Variants in PCDHGA7 observed in about 807,000 individuals in gnomAD.
The protein encoded by PCDHGA7 is protocadherin gamma-A7.
A neutral mutation model predicts 58.3 loss-of-function variants in PCDHGA7; 44 were observed. That is an observed-to-expected ratio of 0.75 (90% CI 0.59 to 0.97). The LOEUF is 0.97. Ranked by LOEUF, PCDHGA7 falls within the 50% of genes least tolerant of loss-of-function variation. The pLI is 0.00. For synonymous variants in PCDHGA7, 516 were observed against 504.2 expected (o/e 1.02, Z -0.31); for missense variants, 1,266 against 1,188.7 (o/e 1.06, Z -0.96).
In PCDHGA7 at chr5:141,476,477, G is replaced by T. The variant is rs768824553; in HGVS notation, c.2425-18330G>T. The T allele has an allele frequency of 1.9e-6, 3 of 1,614,078 alleles. No homozygotes were observed. The highest frequency in any genetic ancestry group is 1.7e-5 in the Admixed American group (1 of 60,016). Reference sequence around the variant, plus strand: ...GGAGAACCCGCTGGAGCTGTTCAGCGTGGAAGTGGTGATCCAGGACATCAA... The same window carrying T: ...GGAGAACCCGCTGGAGCTGTTCAGCTTGGAAGTGGTGATCCAGGACATCAA... On this transcript the variant is annotated intron_variant, in intron 1 of 3. Coordinates refer to ENST00000518325, the MANE Select transcript of PCDHGA7 (RefSeq NM_018920.4). This position sits in a 1 kb window ranked among gnomAD's most constrained non-coding sequence, Gnocchi z 7.6.
rs756761584 is a variant in PCDHGA7 at position 141,476,545 on chromosome 5, G to A, written c.2425-18262G>A. 13 of 1,614,230 alleles carry A rather than the reference G, an allele frequency of 8.1e-6. No homozygotes were observed. The Admixed American group carries it at 2.2e-4, about 27-fold the overall frequency. On this transcript the variant is annotated intron_variant, in intron 1 of 3. Coordinates refer to ENST00000518325, the MANE Select transcript of PCDHGA7 (RefSeq NM_018920.4). This position sits in a 1 kb window ranked among gnomAD's most constrained non-coding sequence, Gnocchi z 7.6. ...TCCCTACCCAGGAAATGAAATTGGA[G>A]ATTAGCGAGGCCGTGGCTCCGGGGA...
intron 1 of PCDHGA7, among the ~76,000 whole-genome samples, chr5:141,474,684 T>A (rs1302389621): frequency 6.6e-6 from 1 of 152,246 alleles, no homozygotes; most frequent in Non-Finnish European, 1.5e-5. Context: ...TGCCTACCCC[T>A]TCACTTATGT....
chr5:141,489,297 G>T lies in PCDHGA7; in HGVS notation c.2425-5510G>T. On this transcript the variant is annotated intron_variant, in intron 1 of 3. Transcript: ENST00000518325. This position sits in a 1 kb window ranked among gnomAD's most constrained non-coding sequence, Gnocchi z 4.5. Reference sequence around the variant, plus strand: ...GGAAATGGCAAGTGCTGTGCATGTTGTCCTTGTGCTGCTGGGGCTGGGTGT... The same window carrying T: ...GGAAATGGCAAGTGCTGTGCATGTTTTCCTTGTGCTGCTGGGGCTGGGTGT... 1.9e-6 allele frequency: 3 copies of T among 1,583,774 alleles called. No homozygotes were observed. Among genetic ancestry groups the T allele is most frequent in the Non-Finnish European group, 8.6e-7 (1 of 1,164,904 alleles).
At chr5:141,445,118 G>A (rs964726987) in intron 1 of PCDHGA7, among the ~76,000 whole-genome samples, 1 of 152,148 alleles carries the variant, frequency 6.6e-6, no homozygotes, top group Non-Finnish European at 1.5e-5. Flanking sequence ...ATTGTAAATA[G>A]TATTTTTAAA....
intron 2 of PCDHGA7, among the ~76,000 whole-genome samples, chr5:141,502,186 CA>C (rs1470455379): frequency 1.3e-5 from 2 of 152,148 alleles, no homozygotes; most frequent in Non-Finnish European, 2.9e-5. Context: ...AACATTAATA[CA>C]ATAATATAGA....
intron 1 of PCDHGA7, chr5:141,478,885 A>G (rs2099483148): frequency 8.4e-7 from 1 of 1,193,320 alleles, no homozygotes; most frequent in East Asian, 2.6e-5. Flanking sequence ...GCTTGGTATC[A>G]TTTACATTAG....
At chr5:141,442,837 A>C (rs2098346617) in intron 1 of PCDHGA7, among the ~76,000 whole-genome samples, 1 of 152,202 alleles carries the variant, frequency 6.6e-6, no homozygotes, top group South Asian at 2.1e-4. Flanking sequence ...GGGAGGGACA[A>C]ATCTTGGCCA....
In PCDHGA7 at chr5:141,485,219, A is replaced by C. The variant is rs954128321; in HGVS notation, c.2425-9588A>C. 20 of 1,613,930 alleles carry C rather than the reference A, an allele frequency of 1.2e-5. No individual in the cohort carries two copies. The highest frequency in any genetic ancestry group is 1.6e-5 in the Non-Finnish European group (19 of 1,179,944). On this transcript the variant is annotated intron_variant, in intron 1 of 3. Coordinates refer to ENST00000518325, the MANE Select transcript of PCDHGA7 (RefSeq NM_018920.4). The surrounding 1 kb of genome is among the most constrained non-coding windows in gnomAD (Gnocchi z 5.7). The stretch of plus-strand genomic sequence containing the variant: ...CTGGACAGAAATCTGGCGGTGGGCT[A>C]CCCTTTTGTTCCTCTTTTACCACCT...
intron 1 of PCDHGA7, chr5:141,390,004 T>C (rs749173529): frequency 1.9e-6 from 3 of 1,614,044 alleles, no homozygotes; most frequent in Admixed American, 1.7e-5. Flanking sequence ...GCCATGATTC[T>C]GGCCATTGCC....
intron 1 of PCDHGA7, chr5:141,442,400 C>G (rs1478739190): frequency 6.6e-6 from 1 of 152,224 alleles, no homozygotes; most frequent in Admixed American, 6.5e-5. Context: ...TCCTACGAAT[C>G]CAGGGCTGAG....
chr5:141,511,823 G>A lies in PCDHGA7; in HGVS notation c.*650G>A, dbSNP rs1490513046. On this transcript the variant is annotated 3_prime_UTR_variant, in exon 4 of 4. Transcript: ENST00000518325. ...TTTTGCTACCAAGCCTCTTCCCAACGCCCTGGGGACCAGTCTTCTGTTTTG... is the reference window on the plus strand; with the variant it reads ...TTTTGCTACCAAGCCTCTTCCCAACACCCTGGGGACCAGTCTTCTGTTTTG... 4 of 156,728 alleles carry A rather than the reference G, an allele frequency of 2.6e-5. No homozygotes were observed. The highest frequency in any genetic ancestry group is 3.2e-3 in the Middle Eastern group (1 of 316). 9.7% of individuals were successfully genotyped at this position (156,728 alleles called of 1,614,324 possible). A position where few individuals can be genotyped will look rare whatever the true frequency, so the allele number is the denominator to read the frequency against.
rs778204328 is a variant in PCDHGA7 at position 141,383,514 on chromosome 5, G to A, written c.615G>A (p.Glu205=). The A allele has an allele frequency of 1.2e-6, 2 of 1,612,718 alleles. No homozygotes were observed. Among genetic ancestry groups the A allele is most frequent in the South Asian group, 2.2e-5 (2 of 90,932 alleles). Residue 205 remains glutamate, a synonymous_variant, in exon 1 of 4, where the codon GAG becomes GAA. Transcript: ENST00000518325. ...AGCGGGTGCTGGACCGGGAGGAAGA[G>A]CGGGTTCACCACCTGGTCCTCACAG... ...VLERVLDREE[E]RVHHLVLTAS... is the part of the protein sequence containing the mutation.
chr5:141,500,216 ATT>A (rs1562194139), intron 2 of PCDHGA7, among the ~76,000 whole-genome samples: 8 of 149,244 alleles, frequency 5.4e-5, no homozygotes, highest in African/African-American at 2.0e-4. Flanking sequence ...TTATTTATTT[ATT>A]TATTTATTGA....
intron 1 of PCDHGA7, chr5:141,403,303 C>T (rs1561687273): frequency 1.9e-6 from 3 of 1,613,820 alleles, no homozygotes; most frequent in South Asian, 2.2e-5. Flanking sequence ...TGAAACTGTA[C>T]GGAATAGAAA....
At position 141,511,216 on chromosome 5, in the gene PCDHGA7, C is replaced by G. The variant is rs374915167; in HGVS notation, c.*43C>G. Reference sequence around the variant, plus strand: ...GAGCCACAGGGCGGCCTCTCCCCAACCAGCCCAGCTTCTCCTTACCTGCAC... The same window carrying G: ...GAGCCACAGGGCGGCCTCTCCCCAAGCAGCCCAGCTTCTCCTTACCTGCAC... On this transcript the variant is annotated 3_prime_UTR_variant, in exon 4 of 4. Coordinates refer to ENST00000518325, the MANE Select transcript of PCDHGA7 (RefSeq NM_018920.4). 4.2e-5 allele frequency: 68 copies of G among 1,608,004 alleles called. No individual in the cohort carries two copies. The highest frequency in any genetic ancestry group is 6.7e-5 in the East Asian group (3 of 44,538).
chr5:141,510,239 C>T (rs2099880022), intron 3 of PCDHGA7, among the ~76,000 whole-genome samples: 1 of 150,434 alleles, frequency 6.6e-6, no homozygotes, highest in Non-Finnish European at 1.5e-5. Flanking sequence ...CGCCACTGCA[C>T]TCCAGGCTGG....
At chr5:141,502,404 C>A (rs1270930372) in intron 2 of PCDHGA7, among the ~76,000 whole-genome samples, 1 of 151,880 alleles carries the variant, frequency 6.6e-6, no homozygotes, top group Non-Finnish European at 1.5e-5. Flanking sequence ...TGTCCCCGAA[C>A]CTGGATTTGC....
chr5:141,393,356 C>G (rs1174239790), intron 1 of PCDHGA7: 3 of 1,613,978 alleles, frequency 1.9e-6, no homozygotes, highest in East Asian at 2.2e-5. Context: ...TCTCCCTGGA[C>G]GTGCAGACTG....
intron 1 of PCDHGA7, among the ~76,000 whole-genome samples, chr5:141,433,664 C>G (rs1027404017): frequency 6.6e-6 from 1 of 151,966 alleles, no homozygotes; most frequent in South Asian, 2.1e-4. Flanking sequence ...GGAGAAACCC[C>G]GTCTATACTA....
Sources: gnomAD v4.1 joint callset for allele counts (sites outside exome capture counted in the v4.1 genomes callset) on GRCh38, gnomAD v4.1.1 for gene constraint, Gnocchi (gnomAD v3.1) non-coding constraint, MANE v1.5 for transcripts, NCBI Gene and HGNC (gene_info 2026-07-23, HGNC 2026-07-21) for gene names.